Variants in ROR1 observed in about 807,000 individuals in gnomAD.
ROR1 encodes inactive tyrosine-protein kinase transmembrane receptor ROR1.
ROR1 carries 19 observed loss-of-function variants against 78.8 expected under a neutral mutation model. The observed-to-expected ratio is 0.24, with a 90% CI of 0.17 to 0.35. The LOEUF is 0.35. Ranked by LOEUF, ROR1 falls within the 10% of genes least tolerant of loss-of-function variation. ROR1 has a pLI of 1.00. For missense variants in ROR1, 917 were observed against 1,177.8 expected, an observed-to-expected ratio of 0.78 and a Z score of 3.24; for synonymous variants, 386 against 433.6, an observed-to-expected ratio of 0.89 and a Z score of 1.36.
intron 2 of ROR1, among the ~76,000 whole-genome samples, chr1:64,048,059 T>G (rs1332050862): frequency 6.6e-6 from 1 of 152,162 alleles, no homozygotes; most frequent in African/African-American, 2.4e-5. Flanking sequence ...TTAAAGCAAA[T>G]AATGAATCAA....
intron 1 of ROR1, among the ~76,000 whole-genome samples, chr1:63,953,183 C>T (rs1297444470): frequency 1.3e-5 from 2 of 152,106 alleles, no homozygotes; most frequent in African/African-American, 4.8e-5. Flanking sequence ...TTGTATATTC[C>T]TGTGTTCACA....
chr1:64,156,578 GT>G (rs2100727217), intron 7 of ROR1, among the ~76,000 whole-genome samples: 1 of 152,094 alleles, frequency 6.6e-6, no homozygotes, highest in South Asian at 2.1e-4. Flanking sequence ...GTGGTGGCAC[GT>G]GCCTGTAGTC....
chr1:64,026,854 A>T (rs1157030843), intron 2 of ROR1, among the ~76,000 whole-genome samples: 1 of 152,072 alleles, frequency 6.6e-6, no homozygotes, highest in African/African-American at 2.4e-5. Context: ...CCCTCAACAC[A>T]TGGGGATTAT....
intron 1 of ROR1, among the ~76,000 whole-genome samples, chr1:63,954,295 C>T (rs1352983222): frequency 1.3e-5 from 2 of 152,206 alleles, no homozygotes; most frequent in Non-Finnish European, 2.9e-5. Context: ...ACACCCAGCT[C>T]ATTTGAGGGC....
intron 4 of ROR1, among the ~76,000 whole-genome samples, chr1:64,131,002 C>G (rs143378441): frequency 7.0e-4 from 107 of 152,276 alleles, no homozygotes; most frequent in Non-Finnish European, 1.2e-3. Context: ...GGGATGTTTT[C>G]CATTTATTCA....
chr1:63,861,834 C>T (rs981995201), intron 1 of ROR1, among the ~76,000 whole-genome samples: 3 of 152,054 alleles, frequency 2.0e-5, no homozygotes, highest in Non-Finnish European at 4.4e-5. Flanking sequence ...CCAATTGAGC[C>T]AGTAGGTCAG....
chr1:64,019,536 T>A (rs1291427251), intron 2 of ROR1, among the ~76,000 whole-genome samples: 1 of 152,206 alleles, frequency 6.6e-6, no homozygotes, highest in Non-Finnish European at 1.5e-5. Context: ...GATATATTTT[T>A]AAAATATCTG....
intron 2 of ROR1, among the ~76,000 whole-genome samples, chr1:64,014,651 C>CT (rs200463839): frequency 0.017 from 2,249 of 128,614 alleles, 24 homozygotes; most frequent in South Asian, 0.027. Context: ...GAACCTACTA[C>CT]TTAAAAAAAA....
intron 4 of ROR1, among the ~76,000 whole-genome samples, chr1:64,119,071 T>A (rs944820182): frequency 1.3e-5 from 2 of 151,998 alleles, no homozygotes; most frequent in Non-Finnish European, 2.9e-5. Flanking sequence ...CATGATGGGG[T>A]TGCCTTGTTT....
chr1:63,830,403 G>T (rs1644980426), intron 1 of ROR1, among the ~76,000 whole-genome samples: 1 of 152,176 alleles, frequency 6.6e-6, no homozygotes, highest in South Asian at 2.1e-4. Context: ...GCATGGCTGG[G>T]GGGTCTCAGG....
chr1:64,050,631 C>A, intron 3 of ROR1, 55 bp from the exon 4 acceptor site: 3 of 1,507,996 alleles, frequency 2.0e-6, no homozygotes, highest in Non-Finnish European at 2.8e-6. Flanking sequence ...TATCCATACT[C>A]ACCCTCCAAT....
intron 4 of ROR1, among the ~76,000 whole-genome samples, chr1:64,117,222 T>A (rs1330915672): frequency 6.6e-6 from 1 of 152,162 alleles, no homozygotes; most frequent in African/African-American, 2.4e-5. Flanking sequence ...AGTCCCCATC[T>A]GGCCAATTAA....
chr1:63,853,202 C>G (rs1557528084), intron 1 of ROR1, among the ~76,000 whole-genome samples: 1 of 152,194 alleles, frequency 6.6e-6, no homozygotes, highest in Non-Finnish European at 1.5e-5. Flanking sequence ...ACAGCTGCTG[C>G]TAATGTTTTT....
intron 7 of ROR1, among the ~76,000 whole-genome samples, chr1:64,157,762 C>T (rs749514020): frequency 3.9e-5 from 6 of 152,168 alleles, no homozygotes; most frequent in Admixed American, 6.5e-5. Flanking sequence ...CCTTACCAGA[C>T]GATGAGCTCC....
At chr1:64,030,408 A>G (rs1646650959) in intron 2 of ROR1, among the ~76,000 whole-genome samples, 1 of 152,244 alleles carries the variant, frequency 6.6e-6, no homozygotes, top group Non-Finnish European at 1.5e-5. Flanking sequence ...ACTAACACTC[A>G]TTGATAATCA....
chr1:63,859,031 T>C lies in ROR1; in HGVS notation c.91+84523T>C, dbSNP rs548221727. Reference sequence around the variant, plus strand: ...AGGTAGTCAAAGTTTTTATGGTACCTTTGTACAAACTGCCCCTTCTGTTGT... The same window carrying C: ...AGGTAGTCAAAGTTTTTATGGTACCCTTGTACAAACTGCCCCTTCTGTTGT... On this transcript the variant is annotated intron_variant, in intron 1 of 8. Coordinates refer to ENST00000371079, the MANE Select transcript of ROR1 (RefSeq NM_005012.4). Among the ~76,000 whole-genome samples, 22 of 152,324 alleles carry C rather than the reference T, an allele frequency of 1.4e-4. 1 individual carries two copies. The East Asian group carries it at 4.2e-3, about 29-fold the overall frequency.
intron 1 of ROR1, among the ~76,000 whole-genome samples, chr1:63,822,985 G>GT (rs1045118369): frequency 1.1e-4 from 16 of 151,554 alleles, no homozygotes; most frequent in South Asian, 2.1e-4. Context: ...AAATAAAGTG[G>GT]TTTTTTTGTT....
intron 4 of ROR1, among the ~76,000 whole-genome samples, chr1:64,064,780 C>A (rs1646943768): frequency 6.6e-6 from 1 of 152,112 alleles, no homozygotes; most frequent in African/African-American, 2.4e-5. Context: ...AGTTGGTGGA[C>A]AAACTTTGAA....
chr1:63,991,057 C>T (rs72912863), intron 1 of ROR1, among the ~76,000 whole-genome samples: 4,351 of 152,062 alleles, frequency 0.029, 228 homozygotes, highest in African/African-American at 0.1. Context: ...TAGCTTGGAC[C>T]ACAGGTGCAT....
Sources: allele counts gnomAD v4.1 joint callset (sites outside exome capture counted in the v4.1 genomes callset), GRCh38; gene constraint gnomAD v4.1.1; transcripts MANE v1.5; gene names NCBI Gene and HGNC (gene_info 2026-07-23, HGNC 2026-07-21).